Variants in PHEX observed in about 807,000 individuals in gnomAD.
PHEX encodes the protein phosphate-regulating neutral endopeptidase PHEX.
PHEX carries 16 observed loss-of-function variants against 68.0 expected under a neutral mutation model. That is an observed-to-expected ratio of 0.24 (90% CI 0.16 to 0.36). PHEX has a LOEUF of 0.36. PHEX is among the 10% of genes least tolerant of loss of function. The pLI is 1.00. For synonymous variants in PHEX, 208 were observed against 205.1 expected, an observed-to-expected ratio of 1.01 and a Z score of -0.12; for missense variants, 480 against 575.5, an observed-to-expected ratio of 0.83 and a Z score of 1.70.
chrX:22,229,430 C>T (rs1161134281), intron 20 of PHEX, among the ~76,000 whole-genome samples: 1 of 112,015 alleles, frequency 8.9e-6, no homozygotes, highest in Non-Finnish European at 1.9e-5. Context: ...TAATGATCAC[C>T]ATTCTAACAG....
intron 15 of PHEX, among the ~76,000 whole-genome samples, chrX:22,198,814 C>A (rs1006477759): frequency 9.0e-6 from 1 of 111,389 alleles, no homozygotes; most frequent in Non-Finnish European, 1.9e-5. Context: ...GGTCTGTTTT[C>A]ACACTGCTAG....
At chrX:22,079,193 C>T (rs2147022723) in intron 5 of PHEX, among the ~76,000 whole-genome samples, 1 of 112,213 alleles carries the variant, frequency 8.9e-6, no homozygotes, top group African/African-American at 3.2e-5. Flanking sequence ...GATTCACACA[C>T]AGATGAATAA....
intron 1 of PHEX, among the ~76,000 whole-genome samples, chrX:22,035,759 A>T (rs764631555): frequency 9.0e-6 from 1 of 110,659 alleles, no homozygotes; most frequent in Admixed American, 9.8e-5. Flanking sequence ...GAAATCTACA[A>T]TGAGAAACCA....
At chrX:22,151,217 T>C (rs1275214102) in intron 12 of PHEX, among the ~76,000 whole-genome samples, 1 of 111,877 alleles carries the variant, frequency 8.9e-6, no homozygotes, top group East Asian at 2.8e-4. Context: ...TATATTCTAA[T>C]AAGTAGATAA....
chrX:22,080,915 G>A (rs944811620), intron 5 of PHEX, among the ~76,000 whole-genome samples: 2 of 111,384 alleles, frequency 1.8e-5, no homozygotes, highest in African/African-American at 6.5e-5. Flanking sequence ...TGACTTTTGT[G>A]ACAGTTTTCA....
At chrX:22,162,338 G>C (rs188311518) in intron 12 of PHEX, among the ~76,000 whole-genome samples, 2 of 112,212 alleles carry the variant, frequency 1.8e-5, no homozygotes, top group East Asian at 2.8e-4. Context: ...TTCTTTTCTC[G>C]ATATTTTTCC....
At chrX:22,068,762 A>G (rs778698084) in intron 3 of PHEX, among the ~76,000 whole-genome samples, 1 of 112,375 alleles carries the variant, frequency 8.9e-6, no homozygotes, top group East Asian at 2.8e-4. Context: ...ATGTCTTAGG[A>G]TTGTTCAGGA....
chrX:22,118,365 A>T (rs1216961405), intron 11 of PHEX, among the ~76,000 whole-genome samples: 1 of 97,710 alleles, frequency 1.0e-5, no homozygotes, highest in Non-Finnish European at 2.1e-5. Context: ...AAAAAAAAAA[A>T]GCCTCGGTGA....
At chrX:22,238,489 A>G (rs1199409398) in intron 20 of PHEX, among the ~76,000 whole-genome samples, 2 of 111,554 alleles carry the variant, frequency 1.8e-5, no homozygotes, top group Non-Finnish European at 3.8e-5. Context: ...TCCCACCCCC[A>G]TGGAGCCCAG....
intron 4 of PHEX, among the ~76,000 whole-genome samples, chrX:22,076,860 T>C (rs1443933104): frequency 8.9e-6 from 1 of 111,898 alleles, no homozygotes; most frequent in Non-Finnish European, 1.9e-5. Flanking sequence ...TTCCCAGGCA[T>C]GCCAGGTTCC....
intron 3 of PHEX, among the ~76,000 whole-genome samples, chrX:22,059,869 G>A (rs1182159204): frequency 8.9e-6 from 1 of 111,811 alleles, no homozygotes; most frequent in African/African-American, 3.3e-5. Context: ...GATGAAACTG[G>A]AGTTTGTACC....
intron 15 of PHEX, among the ~76,000 whole-genome samples, chrX:22,195,831 A>G (rs1304303838): frequency 9.0e-6 from 1 of 111,554 alleles, no homozygotes; most frequent in Non-Finnish European, 1.9e-5. Context: ...TTGATCTCAG[A>G]TGTGGTTACA....
At chrX:22,240,834 A>C (rs1936163711) in intron 20 of PHEX, among the ~76,000 whole-genome samples, 1 of 111,669 alleles carries the variant, frequency 9.0e-6, no homozygotes, top group Non-Finnish European at 1.9e-5. Flanking sequence ...CCCCACTGTC[A>C]ACACTACTGC....
chrX:22,154,526 A>C (rs981891781), intron 12 of PHEX, among the ~76,000 whole-genome samples: 2 of 111,792 alleles, frequency 1.8e-5, no homozygotes, highest in Admixed American at 9.5e-5. Flanking sequence ...GGGGGGACAG[A>C]GGGTGTTACT....
chrX:22,087,534 C>T (rs752719626), intron 5 of PHEX, among the ~76,000 whole-genome samples: 17 of 111,351 alleles, frequency 1.5e-4, no homozygotes, highest in Non-Finnish European at 2.8e-4. Flanking sequence ...TAATTCTTAA[C>T]GTGGCCTTTG....
chrX:22,134,023 C>T (rs753839173), intron 12 of PHEX, among the ~76,000 whole-genome samples: 1 of 111,646 alleles, frequency 9.0e-6, no homozygotes, highest in Admixed American at 9.5e-5. Flanking sequence ...CCCATATTGG[C>T]CACATGTCCT....
rs146397131 is a variant in PHEX at position 22,141,108 on chromosome X, T to A, written c.1404+7484T>A. 7.5e-3 allele frequency among the ~76,000 whole-genome samples: 830 copies of A among 110,701 alleles called. 7 individuals carry two copies. The highest frequency in any genetic ancestry group is 0.026 in the African/African-American group (798 of 30,411). ...GGTCCCCAGTCCAGAAGCATCGCCA[T>A]CACTCAGGACTAGCTAAAAATGCAG... On this transcript the variant is annotated intron_variant, in intron 12 of 21. Coordinates refer to ENST00000379374, the MANE Select transcript of PHEX (RefSeq NM_000444.6).
intron 12 of PHEX, among the ~76,000 whole-genome samples, chrX:22,156,247 G>A (rs1278770740): frequency 9.1e-6 from 1 of 109,697 alleles, no homozygotes; most frequent in Non-Finnish European, 1.9e-5. Flanking sequence ...ATATATGAGG[G>A]GACCTAACAG....
At chrX:22,051,462 C>T (rs1927831107) in intron 3 of PHEX, among the ~76,000 whole-genome samples, 1 of 111,269 alleles carries the variant, frequency 9.0e-6, no homozygotes, top group Non-Finnish European at 1.9e-5. Flanking sequence ...ACCCAAGAGG[C>T]GGAGGTTGCA....
Sources: gnomAD v4.1 joint callset for allele counts (sites outside exome capture counted in the v4.1 genomes callset) on GRCh38, gnomAD v4.1.1 for gene constraint, MANE v1.5 for transcripts, NCBI Gene and HGNC (gene_info 2026-07-23, HGNC 2026-07-21) for gene names.